The following SHISA7 variants were observed in gnomAD, a reference collection of about 807,000 sequenced individuals.
The protein encoded by SHISA7 is shisa family member 7, also known as protein shisa-7.
A neutral mutation model predicts 23.9 loss-of-function variants in SHISA7; 6 were observed. The observed-to-expected ratio is 0.25, with a 90% CI of 0.14 to 0.50. SHISA7 has a LOEUF of 0.50. Ranked by LOEUF, SHISA7 falls within the 20% of genes least tolerant of loss-of-function variation. SHISA7 has a pLI of 0.98. For missense variants in SHISA7, 671 were observed against 801.1 expected (o/e 0.84, Z 1.96); for synonymous variants, 386 against 398.3 (o/e 0.97, Z 0.37).
rs944741956 is a variant in SHISA7, at chr19:55,431,665, T to A, written c.*1491A>T. Reference sequence around the variant, plus strand: ...TGTTGTGTGATGCTGACAGTGTCAGTGAGGGCAAGAGTAGGTGTACCCCAA... The same window carrying A: ...TGTTGTGTGATGCTGACAGTGTCAGAGAGGGCAAGAGTAGGTGTACCCCAA... On this transcript the variant is annotated 3_prime_UTR_variant, in exon 4 of 4. Transcript: ENST00000376325. The A allele has an allele frequency of 6.6e-6, 1 of 152,028 alleles. No homozygotes were observed. Among genetic ancestry groups the A allele is most frequent in the African/African-American group, 2.4e-5 (1 of 41,324 alleles). 9.4% of individuals were successfully genotyped at this position (152,028 alleles called of 1,614,324 possible).
intron 3 of SHISA7, among the ~76,000 whole-genome samples, chr19:55,434,840 T>TGCGTGTGTGTATATGTG (rs1985368178): frequency 3.9e-5 from 2 of 51,920 alleles, no homozygotes; most frequent in African/African-American, 7.8e-5. Context: ...TGGTGTGTGG[T>TGCGTGTGTGTATATGTG]GTGTGTGTGC....
chr19:55,438,297 A>AG (rs1336406072), intron 2 of SHISA7, among the ~76,000 whole-genome samples: 1 of 152,146 alleles, frequency 6.6e-6, no homozygotes, highest in African/African-American at 2.4e-5. Context: ...GGGCCCCAAG[A>AG]GGGGGGTACT....
intron 2 of SHISA7, chr19:55,438,453 C>G (rs1253149815): frequency 2.0e-6 from 2 of 1,006,852 alleles, no homozygotes; most frequent in Non-Finnish European, 2.7e-6. Flanking sequence ...ACTGGGCTCA[C>G]AGGGGTCTCA....
rs1985276283 is a variant in SHISA7 at position 55,433,792 on chromosome 19, C to T, written c.981G>A (p.Glu327=). The T allele has an allele frequency of 7.1e-7, 1 of 1,408,148 alleles. No individual in the cohort carries two copies. Among genetic ancestry groups the T allele is most frequent in the Non-Finnish European group, 9.2e-7 (1 of 1,090,386 alleles). The allele number at this position is 1,408,148 out of a possible 1,614,324, so 87.2% of individuals were successfully genotyped here. The part of the protein sequence containing the change: ...NRYSSLKRLA[E]KDLDEAYLKR... ...TCAGGTAGGCCTCGTCCAGATCCTT[C>T]TCGGCTGCGGGGAGAGGGGGAAAAG... The change falls in exon 4 of 4, where the codon GAG becomes GAA. Residue 327 remains glutamate (E), a synonymous_variant. Transcript: ENST00000376325. The surrounding 1 kb of genome is among the most constrained non-coding windows in gnomAD (Gnocchi z 8.4).
Position 55,433,645 on chromosome 19 carries a change from G to A in SHISA7, c.1128C>T (p.Pro376=), listed in dbSNP as rs903292646. 1.1e-5 allele frequency: 16 copies of A among 1,489,196 alleles called. No individual in the cohort carries two copies. The Admixed American group carries it at 3.2e-4, about 30-fold the overall frequency. 92.2% of individuals were successfully genotyped at this position (1,489,196 alleles called of 1,614,324 possible). A position where few individuals can be genotyped will look rare whatever the true frequency, so the allele number is the denominator to read the frequency against. The part of the protein sequence containing the change: ...WGGPEELGLA[P]APNPRRVMSQ... ...ACATGACCCGCCGGGGGTTGGGCGC[G>A]GGCGCCAGGCCCAGCTCCTCTGGGC... Residue 376 remains proline (P), a synonymous_variant, in exon 4 of 4, where the codon CCC becomes CCT. Transcript: ENST00000376325. This position sits in a 1 kb window ranked among gnomAD's most constrained non-coding sequence, Gnocchi z 8.4.
intron 3 of SHISA7, among the ~76,000 whole-genome samples, chr19:55,435,344 G>GGC (rs1985426074): frequency 9.7e-6 from 1 of 102,660 alleles, no homozygotes; most frequent in South Asian, 3.5e-4. Context: ...GTGTGTGTAT[G>GGC]GTGTGTATGG....
At chr19:55,434,563 GGTGT>G (rs1161171507) in intron 3 of SHISA7, among the ~76,000 whole-genome samples, 16 of 131,064 alleles carry the variant, frequency 1.2e-4, no homozygotes, top group Admixed American at 7.7e-5. Flanking sequence ...TGGTGTGTGT[GGTGT>G]GTGTGTATGG....
chr19:55,434,405 G>T (rs1314187357), intron 3 of SHISA7, among the ~76,000 whole-genome samples: 2 of 143,144 alleles, frequency 1.4e-5, no homozygotes, highest in African/African-American at 5.2e-5. Flanking sequence ...TGTGTGTGGT[G>T]TGTGTGGTGT....
At chr19:55,440,796 T>TG in intron 1 of SHISA7, 31 bp from the exon 2 acceptor site, 1 of 1,237,084 alleles carries the variant, frequency 8.1e-7, no homozygotes, top group Non-Finnish European at 1.0e-6. Context: ...GTCAAAGGCC[T>TG]GGGGGCTGAG....
chr19:55,437,862 C>T (rs987104690), intron 2 of SHISA7, 108 bp from the exon 3 acceptor site: 5 of 1,346,954 alleles, frequency 3.7e-6, no homozygotes, highest in Non-Finnish European at 4.9e-6. Flanking sequence ...GAAACCCAGC[C>T]CCTCTTCCTT....
Position 55,433,113 on chromosome 19 carries a change from G to T in SHISA7, c.*43C>A. 6.7e-7 allele frequency: 1 copy of T among 1,490,336 alleles called. No individual in the cohort carries two copies. Among genetic ancestry groups the T allele is most frequent in the Non-Finnish European group, 8.9e-7 (1 of 1,126,582 alleles). 92.3% of individuals were successfully genotyped at this position (1,490,336 alleles called of 1,614,324 possible). On this transcript the variant is annotated 3_prime_UTR_variant, in exon 4 of 4. Coordinates refer to ENST00000376325, the MANE Select transcript of SHISA7 (RefSeq NM_001145176.2). This position sits in a 1 kb window ranked among gnomAD's most constrained non-coding sequence, Gnocchi z 8.4. ...TGTGTCGGGGGATCCAGGCTGGGAC[G>T]GGGGGCCCGGGAGGCCGCAGCCCCC... is the stretch of plus-strand genomic sequence containing the variant.
In SHISA7 at chr19:55,433,199, G is replaced by C. The variant is rs1839742172; in HGVS notation, c.1574C>G (p.Pro525Arg). The change falls in exon 4 of 4, where the codon CCC (proline) becomes CGC (arginine). Residue 525 changes from proline (P) to arginine (R), a missense_variant. Pro to Arg is a moderately radical substitution (Grantham distance 103). This residue lies in a region of SHISA7 where 457 missense variants were observed against 488.3 expected (regional missense o/e 0.94). Transcript: ENST00000376325. This position sits in a 1 kb window ranked among gnomAD's most constrained non-coding sequence, Gnocchi z 8.4. ...QLQFIPGHHL[P>R]QHLRTASKNE... is the part of the protein sequence containing the mutation. ...CTTGCTGGCCGTGCGCAGGTGCTGG[G>C]GCAGGTGGTGGCCCGGGATGAACTG... 6.5e-7 allele frequency: 1 copy of C among 1,529,522 alleles called. No homozygotes were observed. Among genetic ancestry groups the C allele is most frequent in the Non-Finnish European group, 8.7e-7 (1 of 1,143,396 alleles). The allele number at this position is 1,529,522 out of a possible 1,614,324, so 94.7% of individuals were successfully genotyped here.
At position 55,433,113 on chromosome 19, in the gene SHISA7, G is replaced by A. The variant is rs1186497854; in HGVS notation, c.*43C>T. 11 of 1,490,336 alleles carry A rather than the reference G, an allele frequency of 7.4e-6. No individual in the cohort carries two copies. The Admixed American group carries it at 8.7e-5, about 12-fold the overall frequency. The allele number at this position is 1,490,336 out of a possible 1,614,324, so 92.3% of individuals were successfully genotyped here. On this transcript the variant is annotated 3_prime_UTR_variant, in exon 4 of 4. Transcript: ENST00000376325. The surrounding 1 kb of genome is among the most constrained non-coding windows in gnomAD (Gnocchi z 8.4). Reference sequence around the variant, plus strand: ...TGTGTCGGGGGATCCAGGCTGGGACGGGGGGCCCGGGAGGCCGCAGCCCCC... The same window carrying A: ...TGTGTCGGGGGATCCAGGCTGGGACAGGGGGCCCGGGAGGCCGCAGCCCCC...
In SHISA7 at chr19:55,433,264, G is replaced by A. The variant is rs1326876289; in HGVS notation, c.1509C>T (p.Arg503=). 2 of 1,519,020 alleles carry A rather than the reference G, an allele frequency of 1.3e-6. 1 individual carries two copies. Among genetic ancestry groups the A allele is most frequent in the Non-Finnish European group, 1.8e-6 (2 of 1,140,106 alleles). The allele number at this position is 1,519,020 out of a possible 1,614,324, so 94.1% of individuals were successfully genotyped here. A position where few individuals can be genotyped will look rare whatever the true frequency, so the allele number is the denominator to read the frequency against. The change falls in exon 4 of 4, where the codon CGC becomes CGT. Residue 503 remains arginine (R), a synonymous_variant. Coordinates refer to ENST00000376325, the MANE Select transcript of SHISA7 (RefSeq NM_001145176.2). The surrounding 1 kb of genome is among the most constrained non-coding windows in gnomAD (Gnocchi z 8.4). Reference sequence around the variant, plus strand: ...TGCCCTGGCGCTGGAAGGGCGGCCTGCGGGCCAGTGTGCCCCCGCCCCCGC... The same window carrying A: ...TGCCCTGGCGCTGGAAGGGCGGCCTACGGGCCAGTGTGCCCCCGCCCCCGC... The part of the protein sequence containing the change: ...DAGGGGGTLA[R]RPPFQRQGTL...
chr19:55,439,492 G>A (rs1033277930), intron 2 of SHISA7, among the ~76,000 whole-genome samples: 1 of 152,142 alleles, frequency 6.6e-6, no homozygotes, highest in Non-Finnish European at 1.5e-5. Flanking sequence ...CTCCTCTGCT[G>A]GAACTCCTCC....
intron 3 of SHISA7, among the ~76,000 whole-genome samples, chr19:55,435,789 C>T (rs1279059296): frequency 1.3e-5 from 2 of 149,026 alleles, no homozygotes; most frequent in Non-Finnish European, 3.0e-5. Flanking sequence ...AAGGATCCAC[C>T]AAAAAGTGGG....
At position 55,442,711 on chromosome 19, in the gene SHISA7, C is replaced by A; in HGVS notation, c.153G>T (p.Gly51=). 1 of 1,020,840 alleles carries A rather than the reference C, an allele frequency of 9.8e-7. No individual in the cohort carries two copies. The allele number at this position is 1,020,840 out of a possible 1,614,324, so 63.2% of individuals were successfully genotyped here. A position where few individuals can be genotyped will look rare whatever the true frequency, so the allele number is the denominator to read the frequency against. Residue 51 remains glycine, a synonymous_variant, in exon 1 of 4, where the codon GGG becomes GGT. Coordinates refer to ENST00000376325, the MANE Select transcript of SHISA7 (RefSeq NM_001145176.2). ...RRLTGALTGG[G]GAASPGANGT... Reference sequence around the variant, plus strand: ...CGTTGGCGCCTGGGCTCGCCGCGCCCCCGCCGCCCGTCAGCGCCCCGGTCA... The same window carrying A: ...CGTTGGCGCCTGGGCTCGCCGCGCCACCGCCGCCCGTCAGCGCCCCGGTCA...
intron 3 of SHISA7, among the ~76,000 whole-genome samples, chr19:55,434,441 TGTGTGTGG>T (rs1985317467): frequency 2.3e-5 from 3 of 128,670 alleles, no homozygotes; most frequent in Non-Finnish European, 3.3e-5. Flanking sequence ...GTGTGGTGTG[TGTGTGTGG>T]GTGTGTGGTT....
At chr19:55,436,247 A>G (rs1985456149) in intron 3 of SHISA7, among the ~76,000 whole-genome samples, 1 of 151,722 alleles carries the variant, frequency 6.6e-6, no homozygotes, top group Non-Finnish European at 1.5e-5. Context: ...AGATGGTGCC[A>G]TTGCACTCCA....
Sources: gnomAD v4.1 joint callset for allele counts (sites outside exome capture counted in the v4.1 genomes callset) on GRCh38, gnomAD v4.1.1 for gene constraint, gnomAD v4.1.1 regional missense constraint, Gnocchi (gnomAD v3.1) non-coding constraint, MANE v1.5 for transcripts, NCBI Gene and HGNC (gene_info 2026-07-23, HGNC 2026-07-21) for gene names.